The following PSMD2 variants were observed in gnomAD, a reference collection of about 807,000 sequenced individuals.
PSMD2 encodes proteasome 26S subunit ubiquitin receptor, non-ATPase 2.
Under a neutral mutation model 101.5 loss-of-function variants are expected in PSMD2, and 8 were observed. The observed-to-expected ratio is 0.08, with a 90% CI of 0.05 to 0.14. The LOEUF is 0.14. PSMD2 is among the 10% of genes least tolerant of loss of function. The pLI is 1.00. For synonymous variants in PSMD2, 418 were observed against 433.8 expected (o/e 0.96, Z 0.45); for missense variants, 784 against 1,147.4 (o/e 0.68, Z 4.58).
rs928386124 is a variant in PSMD2 at position 184,302,592 on chromosome 3, G to C, written c.863+64G>C. On this transcript the variant is annotated intron_variant, in intron 6 of 20. Transcript: ENST00000310118. ...AATAGGACACTTGCATAAAGAGCTG[G>C]GACTTGTAGTTTCTGGTTAGGGCTT... 1.9e-5 allele frequency: 30 copies of C among 1,611,044 alleles called. No homozygotes were observed. In the African/African-American group the frequency reaches 3.7e-4, roughly 20 times the overall value.
rs1442558889 is a variant in PSMD2 at position 184,304,207 on chromosome 3, TG to T, written c.1452-96del. ...GGGTATCTGGCTCTTGGTGAATGTT[TG>T]TTGAAATGGTGAATGAATGACCGAT... On this transcript the variant is annotated intron_variant, in intron 11 of 20. Coordinates refer to ENST00000310118, the MANE Select transcript of PSMD2 (RefSeq NM_002808.5). The surrounding 1 kb of genome is among the most constrained non-coding windows in gnomAD (Gnocchi z 4.1). 6.4e-7 allele frequency: 1 copy of T among 1,554,998 alleles called. No individual in the cohort carries two copies. The highest frequency in any genetic ancestry group is 8.9e-7 in the Non-Finnish European group (1 of 1,126,858).
chr3:184,302,555 G>C (rs755389177), intron 6 of PSMD2, 27 bp downstream of exon 6: 22 of 1,613,220 alleles, frequency 1.4e-5, no homozygotes, highest in Non-Finnish European at 1.9e-5. Context: ...CTGGCAAAGA[G>C]ATAAGCTTAC....
In PSMD2 at chr3:184,308,442, C is replaced by T. The variant is rs961310242; in HGVS notation, c.2426-7C>T. On this transcript the variant is annotated splice_region_variant and splice_polypyrimidine_tract_variant and intron_variant, in intron 19 of 20. Coordinates refer to ENST00000310118, the MANE Select transcript of PSMD2 (RefSeq NM_002808.5). This position sits in a 1 kb window ranked among gnomAD's most constrained non-coding sequence, Gnocchi z 6.0. ...TCTTAACTTTTTGTCCTGTCTGCTT[C>T]CCTCAGTTATTCTAGGCAAATCACA... 1.9e-6 allele frequency: 3 copies of T among 1,596,628 alleles called. No individual in the cohort carries two copies. The highest frequency in any genetic ancestry group is 2.6e-6 in the Non-Finnish European group (3 of 1,170,048).
chr3:184,304,524 A>T lies in PSMD2; in HGVS notation c.1539+133A>T. ...TGTACATGCCTGTTGGTGTGTATTG[A>T]GGGGCGTCACCTCAGTGAAACCCCT... On this transcript the variant is annotated intron_variant, in intron 12 of 20. Coordinates refer to ENST00000310118, the MANE Select transcript of PSMD2 (RefSeq NM_002808.5). The surrounding 1 kb of genome is among the most constrained non-coding windows in gnomAD (Gnocchi z 4.1). 1 of 892,784 alleles carries T rather than the reference A, an allele frequency of 1.1e-6. No individual in the cohort carries two copies. Among genetic ancestry groups the T allele is most frequent in the Non-Finnish European group, 1.8e-6 (1 of 559,148 alleles). The allele number at this position is 892,784 out of a possible 1,614,324, so 55.3% of individuals were successfully genotyped here.
intron 6 of PSMD2, 21 bp from the exon 7 acceptor site, chr3:184,302,658 A>T: frequency 6.2e-7 from 1 of 1,614,012 alleles, no homozygotes; most frequent in African/African-American, 1.3e-5. Context: ...TGATGAGCAG[A>T]TGTACGGGCT....
rs966522911 is a variant in PSMD2, at chr3:184,299,588, G to T, written c.135+187G>T. On this transcript the variant is annotated intron_variant, in intron 1 of 20. Coordinates refer to ENST00000310118, the MANE Select transcript of PSMD2 (RefSeq NM_002808.5). Reference sequence around the variant, plus strand: ...TCCGTTCCGCGCTGTCACCTCCGCCGTCCCCACCAACCCTCACCACCGCCG... The same window carrying T: ...TCCGTTCCGCGCTGTCACCTCCGCCTTCCCCACCAACCCTCACCACCGCCG... The T allele has an allele frequency of 1.0e-5, 9 of 868,936 alleles. No homozygotes were observed. In the African/African-American group the frequency reaches 1.2e-4, roughly 12 times the overall value. 53.8% of individuals were successfully genotyped at this position (868,936 alleles called of 1,614,324 possible). A position where few individuals can be genotyped will look rare whatever the true frequency, so the allele number is the denominator to read the frequency against.
chr3:184,304,113 T>C lies in PSMD2; in HGVS notation c.1451+39T>C. The C allele has an allele frequency of 6.2e-7, 1 of 1,611,962 alleles. No homozygotes were observed. The highest frequency in any genetic ancestry group is 8.5e-7 in the Non-Finnish European group (1 of 1,178,602). On this transcript the variant is annotated intron_variant, in intron 11 of 20. Coordinates refer to ENST00000310118, the MANE Select transcript of PSMD2 (RefSeq NM_002808.5). This position sits in a 1 kb window ranked among gnomAD's most constrained non-coding sequence, Gnocchi z 4.1. Reference sequence around the variant, plus strand: ...CTTGTCTTTCTGGTAGTGCTCAGCCTGTACACTCTGGAGAACAGGAACTGG... The same window carrying C: ...CTTGTCTTTCTGGTAGTGCTCAGCCCGTACACTCTGGAGAACAGGAACTGG...
rs745468990 is a variant in PSMD2 at position 184,302,778 on chromosome 3, G to A, written c.963G>A (p.Met321Ile). Reference sequence around the variant, plus strand: ...AGTATGAGGACCTGACAGAGATCATGTCCAATGTACAGCTCAACAGCAACT... The same window carrying A: ...AGTATGAGGACCTGACAGAGATCATATCCAATGTACAGCTCAACAGCAACT... The part of the protein sequence containing the change: ...VEEYEDLTEI[M>I]SNVQLNSNFL... Residue 321 changes from methionine (M) to isoleucine (I), a missense_variant, in exon 7 of 21, where the codon ATG becomes ATA. By Grantham distance (10) the Met-to-Ile change is conservative. Coordinates refer to ENST00000310118, the MANE Select transcript of PSMD2 (RefSeq NM_002808.5). 6.2e-7 allele frequency: 1 copy of A among 1,614,164 alleles called. No homozygotes were observed. The highest frequency in any genetic ancestry group is 8.5e-7 in the Non-Finnish European group (1 of 1,180,028).
chr3:184,304,329 A>C lies in PSMD2; in HGVS notation c.1477A>C (p.Asn493His), dbSNP rs142160511. ...FGLGLAYAGS[N>H]REDVLTLLLP... ...GCTAGGCTTGGCTTATGCTGGCTCA[A>C]ATCGTGAAGATGTCCTAACACTGCT... The change falls in exon 12 of 21, where the codon AAT (asparagine) becomes CAT (histidine). Residue 493 changes from asparagine (N) to histidine (H), a missense_variant. Physicochemically the swap from Asn to His is moderately conservative, Grantham distance 68 (BLOSUM62 1). This residue lies in a region of PSMD2 where 282 missense variants were observed against 437.6 expected (regional missense o/e 0.64). Transcript: ENST00000310118. The surrounding 1 kb of genome is among the most constrained non-coding windows in gnomAD (Gnocchi z 4.1). 8 of 1,614,104 alleles carry C rather than the reference A, an allele frequency of 5.0e-6. No homozygotes were observed. In the African/African-American group the frequency reaches 1.1e-4, roughly 22 times the overall value.
At chr3:184,302,580 C>G in intron 6 of PSMD2, 52 bp downstream of exon 6, 1 of 1,611,010 alleles carries the variant, frequency 6.2e-7, no homozygotes, top group Non-Finnish European at 8.5e-7. Context: ...AGGACACTTG[C>G]ATAAAGAGCT....
rs368823536 is a variant in PSMD2, at chr3:184,300,315, G to A, written c.228G>A (p.Glu76=). 1 of 1,613,972 alleles carries A rather than the reference G, an allele frequency of 6.2e-7. No homozygotes were observed. Among genetic ancestry groups the A allele is most frequent in the Non-Finnish European group, 8.5e-7 (1 of 1,179,846 alleles). Reference sequence around the variant, plus strand: ...CATCCCTGTATCGACCAGCGCTGGAGGAATTGCGAAGGCAGATTCGTTCTT... The same window carrying A: ...CATCCCTGTATCGACCAGCGCTGGAAGAATTGCGAAGGCAGATTCGTTCTT... ...KDTSLYRPAL[E]ELRRQIRSST... The change falls in exon 3 of 21, where the codon GAG becomes GAA. Residue 76 remains glutamate (E), a synonymous_variant. Transcript: ENST00000310118.
intron 2 of PSMD2, among the ~76,000 whole-genome samples, 161 bp from the exon 3 acceptor site, chr3:184,300,119 A>G (rs1433102778): frequency 6.6e-6 from 1 of 151,936 alleles, no homozygotes; most frequent in Non-Finnish European, 1.5e-5. Flanking sequence ...AACTTGGGTC[A>G]TTTGTTTTTG....
rs769466584 is a variant in PSMD2, at chr3:184,308,252, C to G, written c.2426-197C>G. Among the ~76,000 whole-genome samples, 2 of 152,122 alleles carry G rather than the reference C, an allele frequency of 1.3e-5. No individual in the cohort carries two copies. The highest frequency in any genetic ancestry group is 2.9e-5 in the Non-Finnish European group (2 of 68,036). ...CTGCTCCTAAGTCACTGGGGAAATG[C>G]GATTTTCAAGTCTAAGGGCTGTAAG... On this transcript the variant is annotated intron_variant, in intron 19 of 20. Transcript: ENST00000310118. The surrounding 1 kb of genome is among the most constrained non-coding windows in gnomAD (Gnocchi z 6.0).
rs1200145900 is a variant in PSMD2 at position 184,304,442 on chromosome 3, TCTTA to T, written c.1539+55_1539+58del. On this transcript the variant is annotated intron_variant, in intron 12 of 20. Transcript: ENST00000310118. The surrounding 1 kb of genome is among the most constrained non-coding windows in gnomAD (Gnocchi z 4.1). ...GAGTAAGTAGGGAAGGTGCTTTGAGTCTTACTTTCTGTGATAAATAATGAAAAAG... is the reference window on the plus strand; with the variant it reads ...GAGTAAGTAGGGAAGGTGCTTTGAGTCTTTCTGTGATAAATAATGAAAAAG... 5.9e-6 allele frequency: 9 copies of T among 1,534,146 alleles called. No homozygotes were observed. The South Asian group carries it at 8.9e-5, about 15-fold the overall frequency.
In PSMD2 at chr3:184,303,193, T is replaced by C. The variant is rs144791656; in HGVS notation, c.1070-127T>C. 2,831 of 1,497,814 alleles carry C rather than the reference T, an allele frequency of 1.9e-3. 57 individuals are homozygous for C. The African/African-American group carries it at 0.035, about 19-fold the overall frequency. The allele number at this position is 1,497,814 out of a possible 1,614,324, so 92.8% of individuals were successfully genotyped here. On this transcript the variant is annotated intron_variant, in intron 8 of 20. Transcript: ENST00000310118. The stretch of plus-strand genomic sequence containing the variant: ...TCATGAATCTTTTTCAGGTCACTGC[T>C]TGGGGGGGTATAGGTAGAGGATACT...
Position 184,299,324 on chromosome 3 carries a change from G to GC in PSMD2, c.63dup (p.Gly22ArgfsTer26). 3 of 1,407,144 alleles carry GC rather than the reference G, an allele frequency of 2.1e-6. No homozygotes were observed. Among genetic ancestry groups the GC allele is most frequent in the African/African-American group, 1.5e-5 (1 of 66,318 alleles). The allele number at this position is 1,407,144 out of a possible 1,614,324, so 87.2% of individuals were successfully genotyped here. A position where few individuals can be genotyped will look rare whatever the true frequency, so the allele number is the denominator to read the frequency against. ...GCAGCCCCAGCAGTCTCCAGCGGCG[G>GC]CCCCCGGCGGCACGGACGAGAAGCC... On this transcript the variant is annotated frameshift_variant, in exon 1 of 21. Transcript: ENST00000310118. LOFTEE classifies it high-confidence loss of function.
Position 184,308,809 on chromosome 3 carries a change from G to T in PSMD2, c.2646G>T (p.Leu882Phe). The T allele has an allele frequency of 6.2e-7, 1 of 1,613,634 alleles. No individual in the cohort carries two copies. Among genetic ancestry groups the T allele is most frequent in the Non-Finnish European group, 8.5e-7 (1 of 1,179,988 alleles). Reference protein sequence around the residue: ...VLLAHGERAELATEEFLPVTP... With the variant: ...VLLAHGERAEFATEEFLPVTP... The stretch of plus-strand genomic sequence containing the variant: ...TGGCCCACGGGGAACGGGCAGAATT[G>T]GCCACTGAGGAGTTTCTTCCTGTTA... The change falls in exon 21 of 21, where the codon TTG (leucine) becomes TTT (phenylalanine). Residue 882 changes from leucine (L) to phenylalanine (F), a missense_variant. By Grantham distance (22) the Leu-to-Phe change is conservative. Around this residue, in one of 6 missense-constraint regions of PSMD2, gnomAD observed 33 missense variants for 38.2 expected, o/e 0.86. Transcript: ENST00000310118. The surrounding 1 kb of genome is among the most constrained non-coding windows in gnomAD (Gnocchi z 6.0).
At chr3:184,300,164 GATGA>G (rs1721593935) in intron 2 of PSMD2, 112 bp from the exon 3 acceptor site, 1 of 1,146,598 alleles carries the variant, frequency 8.7e-7, no homozygotes, top group Non-Finnish European at 1.2e-6. Flanking sequence ...AGGAATCACA[GATGA>G]ATGAATAAGA....
chr3:184,306,136 G>T lies in PSMD2; in HGVS notation c.1785G>T (p.Val595=), dbSNP rs778307813. The T allele has an allele frequency of 5.0e-6, 8 of 1,614,034 alleles. No individual in the cohort carries two copies. Among genetic ancestry groups the T allele is most frequent in the Non-Finnish European group, 6.8e-6 (8 of 1,180,030 alleles). Residue 595 remains valine, a synonymous_variant, in exon 14 of 21, where the codon GTG becomes GTT. Coordinates refer to ENST00000310118, the MANE Select transcript of PSMD2 (RefSeq NM_002808.5). ...EPFRSFANTL[V]DVCAYAGSGN... ...TCCGCAGTTTTGCCAACACACTGGT[G>T]GATGTGTGTGCATATGCAGGTCTGT...
Sources: allele counts gnomAD v4.1 joint callset (sites outside exome capture counted in the v4.1 genomes callset), GRCh38; gene constraint gnomAD v4.1.1; regional missense constraint gnomAD v4.1.1; non-coding constraint Gnocchi (gnomAD v3.1); transcripts MANE v1.5; gene names NCBI Gene and HGNC (gene_info 2026-07-23, HGNC 2026-07-21).